Variants in SLC2A12 observed in about 807,000 individuals in gnomAD.
The protein encoded by SLC2A12 is solute carrier family 2, facilitated glucose transporter member 12.
In SLC2A12, 23 loss-of-function variants were observed where a neutral mutation model predicts 41.8. The observed-to-expected ratio is 0.55, with a 90% CI of 0.40 to 0.78. SLC2A12 has a LOEUF of 0.78. Ranked by LOEUF, SLC2A12 falls within the 30% of genes least tolerant of loss-of-function variation. SLC2A12 has a pLI of 0.00. For missense variants in SLC2A12, 654 were observed against 745.6 expected (o/e 0.88, Z 1.43); for synonymous variants, 295 against 285.9 (o/e 1.03, Z -0.32).
chr6:134,018,127 A>G (rs2627237), intron 2 of SLC2A12, among the ~76,000 whole-genome samples: 64,823 of 151,822 alleles, frequency 0.43, 13,856 homozygotes, highest in Middle Eastern at 0.47. Context: ...AGCACATCCT[A>G]TGTGTCCCAG....
chr6:133,993,479 A>T lies in SLC2A12; in HGVS notation c.1701-2171T>A, dbSNP rs566234223. Among the ~76,000 whole-genome samples the T allele has an allele frequency of 5.9e-5, 9 of 152,310 alleles. No individual in the cohort carries two copies. In the South Asian group the frequency reaches 1.9e-3, roughly 32 times the overall value. ...GACTACTTCATTACCTTATTCTTGT[A>T]TCCATTTCATTCATGTTTTTTCATC... On this transcript the variant is annotated intron_variant, in intron 4 of 4. Transcript: ENST00000275230.
intron 4 of SLC2A12, among the ~76,000 whole-genome samples, chr6:134,000,700 G>A (rs2114424430): frequency 6.6e-6 from 1 of 152,202 alleles, no homozygotes; most frequent in East Asian, 1.9e-4. Context: ...TTGGCAATTA[G>A]AGCTACTAAA....
At chr6:134,008,812 G>A (rs888741009) in intron 2 of SLC2A12, among the ~76,000 whole-genome samples, 3 of 152,134 alleles carry the variant, frequency 2.0e-5, no homozygotes, top group Non-Finnish European at 2.9e-5. Context: ...ATGGGTATTC[G>A]ATGCTGGCCA....
intron 4 of SLC2A12, among the ~76,000 whole-genome samples, chr6:133,991,545 G>A (rs762679271): frequency 1.9e-4 from 29 of 152,176 alleles, no homozygotes; most frequent in Non-Finnish European, 3.4e-4. Flanking sequence ...AGTCAGCTCT[G>A]TGGGGAAGGA....
At position 134,012,240 on chromosome 6, in the gene SLC2A12, G is replaced by T. The variant is rs78298084; in HGVS notation, c.1445-5306C>A. On this transcript the variant is annotated intron_variant, in intron 2 of 4. Transcript: ENST00000275230. The stretch of plus-strand genomic sequence containing the variant: ...ATTACTTAAATTACAAACTAAAAAA[G>T]GCAATTAAATAAAGGCTCAATGTTC... Among the ~76,000 whole-genome samples the T allele has an allele frequency of 6.7e-3, 1,024 of 152,066 alleles. 10 individuals carry two copies. Among genetic ancestry groups the T allele is most frequent in the African/African-American group, 0.023 (974 of 41,478 alleles).
At chr6:134,038,163 C>G (rs529709565) in intron 1 of SLC2A12, among the ~76,000 whole-genome samples, 1 of 151,988 alleles carries the variant, frequency 6.6e-6, no homozygotes, top group Non-Finnish European at 1.5e-5. Context: ...TTTCCAACCC[C>G]GGGTTTGATT....
chr6:134,029,782 A>G (rs1777176695), intron 1 of SLC2A12, 61 bp from the exon 2 acceptor site: 2 of 1,518,286 alleles, frequency 1.3e-6, no homozygotes, highest in Non-Finnish European at 1.8e-6. Flanking sequence ...AACATTTTGT[A>G]TTTGAGCGGA....
intron 1 of SLC2A12, among the ~76,000 whole-genome samples, chr6:134,035,435 CA>C (rs200624096): frequency 0.043 from 6,581 of 152,108 alleles, 343 homozygotes; most frequent in African/African-American, 0.12. Flanking sequence ...CAGTGAGGCC[CA>C]AAAAATCTGG....
At chr6:134,044,490 G>T (rs930867104) in intron 1 of SLC2A12, among the ~76,000 whole-genome samples, 1 of 152,132 alleles carries the variant, frequency 6.6e-6, no homozygotes, top group African/African-American at 2.4e-5. Context: ...GAGGTGGGTG[G>T]ATCACTTGAG....
rs766589702 is a variant in SLC2A12, at chr6:134,052,487, G to T, written c.-7C>A. On this transcript the variant is annotated 5_prime_UTR_variant, in exon 1 of 5. Coordinates refer to ENST00000275230, the MANE Select transcript of SLC2A12 (RefSeq NM_145176.3). ...TGTTTTCAACAGGTACCATGGTCACGTAGAAGTTACAGCCGCTTCCCCGCC... is the reference window on the plus strand; with the variant it reads ...TGTTTTCAACAGGTACCATGGTCACTTAGAAGTTACAGCCGCTTCCCCGCC... 3 of 1,611,364 alleles carry T rather than the reference G, an allele frequency of 1.9e-6. No individual in the cohort carries two copies. In the East Asian group the frequency reaches 6.7e-5, roughly 36 times the overall value.
chr6:134,048,596 A>C (rs114017341), intron 1 of SLC2A12, among the ~76,000 whole-genome samples: 1 of 152,256 alleles, frequency 6.6e-6, no homozygotes, highest in East Asian at 1.9e-4. Flanking sequence ...AACAACAAAA[A>C]AACCTGTTAT....
At chr6:133,999,827 T>C (rs1322876848) in intron 4 of SLC2A12, among the ~76,000 whole-genome samples, 2 of 152,134 alleles carry the variant, frequency 1.3e-5, no homozygotes, top group Admixed American at 6.5e-5. Context: ...CAGCAATGGA[T>C]AATTGATGTG....
chr6:134,033,487 A>C (rs1037886072), intron 1 of SLC2A12, among the ~76,000 whole-genome samples: 1 of 151,716 alleles, frequency 6.6e-6, no homozygotes, highest in Admixed American at 6.6e-5. Context: ...CATTTTTTCT[A>C]TGTTTGCTGT....
At chr6:133,996,494 G>A (rs1419393792) in intron 4 of SLC2A12, among the ~76,000 whole-genome samples, 13 of 152,150 alleles carry the variant, frequency 8.5e-5, no homozygotes, top group East Asian at 1.9e-4. Flanking sequence ...AAGAATATTC[G>A]TTTTTTCAGC....
At chr6:134,045,249 C>G (rs1777442310) in intron 1 of SLC2A12, among the ~76,000 whole-genome samples, 1 of 152,116 alleles carries the variant, frequency 6.6e-6, no homozygotes. Context: ...GCAAACAAGT[C>G]CTGAAATGAG....
At position 134,028,595 on chromosome 6, in the gene SLC2A12, C is replaced by A. The variant is rs543664249; in HGVS notation, c.1230G>T (p.Gly410=). Residue 410 remains glycine (G), a synonymous_variant, in exon 2 of 5, where the codon GGG becomes GGT. Coordinates refer to ENST00000275230, the MANE Select transcript of SLC2A12 (RefSeq NM_145176.3). ...NNNTLRDHFK[G]ISSHSRSSLM... ...GTGAGCTTCTGCTATGGGAAGAAAT[C>A]CCTTTGAAGTGGTCTCTGAGAGTAT... The A allele has an allele frequency of 6.2e-7, 1 of 1,614,178 alleles. No individual in the cohort carries two copies. Among genetic ancestry groups the A allele is most frequent in the African/African-American group, 1.3e-5 (1 of 75,048 alleles).
At chr6:134,018,198 A>G (rs1776989786) in intron 2 of SLC2A12, among the ~76,000 whole-genome samples, 1 of 152,192 alleles carries the variant, frequency 6.6e-6, no homozygotes, top group African/African-American at 2.4e-5. Flanking sequence ...TGTTCACCTC[A>G]TGTCTAGACC....
In SLC2A12 at chr6:134,037,543, C is replaced by T. The variant is rs144828601; in HGVS notation, c.104-7822G>A. Among the ~76,000 whole-genome samples the T allele has an allele frequency of 4.9e-3, 749 of 151,982 alleles. 3 individuals are homozygous for T. The highest frequency in any genetic ancestry group is 0.017 in the African/African-American group (696 of 41,448). ...GTAATTTTTGTATTTTTAGTAGAGA[C>T]GGGATTTCACCATGTTGGCCTGGAT... On this transcript the variant is annotated intron_variant, in intron 1 of 4. Coordinates refer to ENST00000275230, the MANE Select transcript of SLC2A12 (RefSeq NM_145176.3).
chr6:134,036,962 T>C (rs1384757804), intron 1 of SLC2A12, among the ~76,000 whole-genome samples: 2 of 152,056 alleles, frequency 1.3e-5, no homozygotes, highest in African/African-American at 4.8e-5. Context: ...GCAGCCCTGT[T>C]TCAGTGGACC....
Sources: allele counts gnomAD v4.1 joint callset (sites outside exome capture counted in the v4.1 genomes callset), GRCh38; gene constraint gnomAD v4.1.1; transcripts MANE v1.5; gene names NCBI Gene and HGNC (gene_info 2026-07-23, HGNC 2026-07-21).